Variants in ATXN1 observed in about 807,000 individuals in gnomAD.
ATXN1 encodes the protein ataxin 1, also known as ataxin-1.
Under a neutral mutation model 56.4 loss-of-function variants are expected in ATXN1, and 8 were observed. The ratio of observed to expected loss-of-function variants is 0.14; its 90% CI spans 0.08 to 0.26. The LOEUF is 0.26. Ranked by LOEUF, ATXN1 falls within the 10% of genes least tolerant of loss-of-function variation. The pLI is 1.00. For synonymous variants in ATXN1, 514 were observed against 494.6 expected, an observed-to-expected ratio of 1.04 and a Z score of -0.52; for missense variants, 987 against 1,106.5, an observed-to-expected ratio of 0.89 and a Z score of 1.53.
Position 16,438,810 on chromosome 6 carries a change from G to A in ATXN1, c.-161+47162C>T, listed in dbSNP as rs138390044. On this transcript the variant is annotated intron_variant, in intron 6 of 7. Coordinates refer to ENST00000436367, the MANE Select transcript of ATXN1 (RefSeq NM_001128164.2). Reference sequence around the variant, plus strand: ...CAAGAAACTCTTAAAATAACAGAATGAAAAATAAGGTAGTGGCTCTGTATA... The same window carrying A: ...CAAGAAACTCTTAAAATAACAGAATAAAAAATAAGGTAGTGGCTCTGTATA... Among the ~76,000 whole-genome samples, 522 of 152,258 alleles carry A rather than the reference G, an allele frequency of 3.4e-3. 2 individuals are homozygous for A. Among genetic ancestry groups the A allele is most frequent in the Middle Eastern group, 0.01 (3 of 294 alleles).
intron 6 of ATXN1, among the ~76,000 whole-genome samples, chr6:16,367,350 TCTCTCTCTCTCTCA>T (rs1220667512): frequency 9.1e-6 from 1 of 110,230 alleles, no homozygotes; most frequent in African/African-American, 3.0e-5. Flanking sequence ...TCTCTCTCTC[TCTCTCTCTCTCTCA>T]CACACACACA....
chr6:16,588,463 T>C (rs1420244992), intron 3 of ATXN1, among the ~76,000 whole-genome samples: 1 of 152,184 alleles, frequency 6.6e-6, no homozygotes, highest in South Asian at 2.1e-4. Context: ...ACCCACCCCT[T>C]CTATCAAATG....
chr6:16,320,089 G>A (rs1886349), intron 7 of ATXN1, among the ~76,000 whole-genome samples: 11,310 of 152,156 alleles, frequency 0.074, 808 homozygotes, highest in East Asian at 0.39. Context: ...TGGCAAGTGG[G>A]TCTGCCTTGG....
intron 2 of ATXN1, among the ~76,000 whole-genome samples, chr6:16,723,274 G>A (rs971849211): frequency 6.6e-6 from 1 of 152,062 alleles, no homozygotes; most frequent in Non-Finnish European, 1.5e-5. Flanking sequence ...AAGTTTCCAG[G>A]TGTAACATCT....
intron 2 of ATXN1, chr6:16,667,112 TC>T (rs1245090589): frequency 1.3e-5 from 2 of 152,152 alleles, no homozygotes; most frequent in African/African-American, 4.8e-5. Flanking sequence ...CCTAGAACCA[TC>T]CTAGGCAGTG....
At chr6:16,308,134 T>A (rs952223714) in intron 7 of ATXN1, among the ~76,000 whole-genome samples, 6 of 151,982 alleles carry the variant, frequency 3.9e-5, no homozygotes, top group Non-Finnish European at 7.4e-5. Flanking sequence ...GAGACCAGCC[T>A]GGCCAGCATG....
At chr6:16,539,003 C>T (rs997872840) in intron 4 of ATXN1, among the ~76,000 whole-genome samples, 17 of 152,038 alleles carry the variant, frequency 1.1e-4, no homozygotes, top group Non-Finnish European at 2.4e-4. Context: ...ACTATTCTAA[C>T]CTATCCTCTC....
At chr6:16,457,151 G>A (rs192098860) in intron 6 of ATXN1, among the ~76,000 whole-genome samples, 27 of 152,212 alleles carry the variant, frequency 1.8e-4, no homozygotes, top group Admixed American at 1.4e-3. Context: ...TTTCAAGAAT[G>A]CATTGGTAAG....
At chr6:16,375,023 C>T (rs767456058) in intron 6 of ATXN1, among the ~76,000 whole-genome samples, 2 of 152,194 alleles carry the variant, frequency 1.3e-5, no homozygotes, top group Non-Finnish European at 2.9e-5. Context: ...AAAGAAAAGA[C>T]GCCCACTCAC....
intron 6 of ATXN1, among the ~76,000 whole-genome samples, chr6:16,342,840 T>G (rs1301935806): frequency 1.3e-5 from 2 of 152,156 alleles, no homozygotes; most frequent in African/African-American, 4.8e-5. Context: ...GGAGAGAGCG[T>G]AGAACAGGCG....
At position 16,745,246 on chromosome 6, in the gene ATXN1, G is replaced by A. The variant is rs77366702; in HGVS notation, c.-615+7987C>T. Among the ~76,000 whole-genome samples the A allele has an allele frequency of 3.3e-5, 5 of 152,288 alleles. No homozygotes were observed. In the East Asian group the frequency reaches 9.6e-4, roughly 29 times the overall value. On this transcript the variant is annotated intron_variant, in intron 2 of 7. Coordinates refer to ENST00000436367, the MANE Select transcript of ATXN1 (RefSeq NM_001128164.2). ...AGCAAGCTCCCTCTAACTTAGTATT[G>A]AGCCTTCTGATGTGAGTGTGTCCTC...
At chr6:16,477,960 C>T (rs1338992848) in intron 6 of ATXN1, among the ~76,000 whole-genome samples, 7 of 152,292 alleles carry the variant, frequency 4.6e-5, no homozygotes, top group African/African-American at 1.7e-4. Context: ...CTGCCAACTC[C>T]CTTCTGACCC....
intron 3 of ATXN1, among the ~76,000 whole-genome samples, chr6:16,648,385 G>T (rs759020570): frequency 1.3e-5 from 2 of 152,200 alleles, no homozygotes; most frequent in African/African-American, 2.4e-5. Context: ...GCCTTCCTGA[G>T]TTTTTGTCAC....
At chr6:16,482,476 A>G (rs1413802976) in intron 6 of ATXN1, among the ~76,000 whole-genome samples, 1 of 152,204 alleles carries the variant, frequency 6.6e-6, no homozygotes, top group Non-Finnish European at 1.5e-5. Flanking sequence ...TATTTTATGT[A>G]GATCAGGGAA....
At position 16,323,723 on chromosome 6, in the gene ATXN1, A is replaced by C. The variant is rs181907170; in HGVS notation, c.1917+2671T>G. Among the ~76,000 whole-genome samples the C allele has an allele frequency of 2.5e-3, 382 of 152,062 alleles. 3 individuals carry two copies. Among genetic ancestry groups the C allele is most frequent in the African/African-American group, 8.8e-3 (366 of 41,468 alleles). On this transcript the variant is annotated intron_variant, in intron 7 of 7. Transcript: ENST00000436367. ...CTGCCTCTGTTCACAAAAATGTGTTAAGGATTCTAAGTACCATGAAAAGCA... is the reference window on the plus strand; with the variant it reads ...CTGCCTCTGTTCACAAAAATGTGTTCAGGATTCTAAGTACCATGAAAAGCA...
chr6:16,578,468 A>G (rs1354676381), intron 4 of ATXN1, among the ~76,000 whole-genome samples: 1 of 152,228 alleles, frequency 6.6e-6, no homozygotes, highest in Non-Finnish European at 1.5e-5. Context: ...ACTCAACCAC[A>G]TCTACTTCTC....
chr6:16,469,832 G>A (rs1001738654), intron 6 of ATXN1, among the ~76,000 whole-genome samples: 6 of 151,800 alleles, frequency 4.0e-5, no homozygotes, highest in South Asian at 2.1e-4. Context: ...GTGTGGTGGC[G>A]GGCACCTGTA....
chr6:16,309,702 A>T (rs1196049048), intron 7 of ATXN1, among the ~76,000 whole-genome samples: 1 of 152,186 alleles, frequency 6.6e-6, no homozygotes, highest in East Asian at 1.9e-4. Flanking sequence ...TAAATCAAAG[A>T]CATCTTGTAA....
intron 3 of ATXN1, among the ~76,000 whole-genome samples, chr6:16,622,381 G>C (rs535020488): frequency 4.5e-4 from 68 of 152,260 alleles, no homozygotes; most frequent in Admixed American, 4.4e-3. Context: ...GGTGGTGGTG[G>C]TGGTTGGTGG....
Sources: allele counts gnomAD v4.1 joint callset (sites outside exome capture counted in the v4.1 genomes callset), GRCh38; gene constraint gnomAD v4.1.1; transcripts MANE v1.5; gene names NCBI Gene and HGNC (gene_info 2026-07-23, HGNC 2026-07-21).